ELF1: variants seen among roughly 807,000 people sequenced by gnomAD.
ELF1 encodes the protein E74 like ETS transcription factor 1, also known as ETS-related transcription factor Elf-1.
A neutral mutation model predicts 59.9 loss-of-function variants in ELF1; 24 were observed. The ratio of observed to expected loss-of-function variants is 0.40; its 90% CI spans 0.29 to 0.56. The LOEUF (loss-of-function observed/expected upper bound fraction) is 0.56. Ranked by LOEUF, ELF1 falls within the 20% of genes least tolerant of loss-of-function variation. ELF1 has a pLI of 0.44. For missense variants in ELF1, 627 were observed against 742.2 expected, an observed-to-expected ratio of 0.84 and a Z score of 1.80; for synonymous variants, 248 against 266.2, an observed-to-expected ratio of 0.93 and a Z score of 0.67.
At chr13:41,014,016 CACGTAGAT>C (rs1179120010) in intron 1 of ELF1, among the ~76,000 whole-genome samples, 6 of 152,096 alleles carry the variant, frequency 3.9e-5, no homozygotes, top group African/African-American at 1.4e-4. Context: ...GGGCATCTAT[CACGTAGAT>C]ACTGCAGCAT....
intron 1 of ELF1, among the ~76,000 whole-genome samples, chr13:41,004,063 C>A (rs115088906): frequency 0.01 from 1,533 of 152,136 alleles, 25 homozygotes; most frequent in African/African-American, 0.031. Flanking sequence ...ATTCCCCCAA[C>A]AAGTATTTAT....
chr13:40,952,440 C>A (rs564679389), intron 3 of ELF1, among the ~76,000 whole-genome samples: 1 of 151,818 alleles, frequency 6.6e-6, no homozygotes, highest in South Asian at 2.1e-4. Context: ...TAGCTCACTG[C>A]AACCATAAAC....
chr13:40,951,064 T>C (rs1005633313), intron 4 of ELF1, among the ~76,000 whole-genome samples: 4 of 152,194 alleles, frequency 2.6e-5, no homozygotes, highest in Non-Finnish European at 4.4e-5. Flanking sequence ...CTCATCAATA[T>C]GTTAAGAGAA....
At chr13:40,980,749 C>G (rs979954750) in intron 2 of ELF1, among the ~76,000 whole-genome samples, 4 of 152,122 alleles carry the variant, frequency 2.6e-5, no homozygotes, top group Non-Finnish European at 5.9e-5. Flanking sequence ...TGTTTCAAAC[C>G]TTAATATACA....
At chr13:40,978,384 AAAAC>A (rs1873048518) in intron 2 of ELF1, among the ~76,000 whole-genome samples, 1 of 151,910 alleles carries the variant, frequency 6.6e-6, no homozygotes, top group Non-Finnish European at 1.5e-5. Flanking sequence ...TCTCAAAAAA[AAAAC>A]AAAAAAGAAA....
At chr13:41,053,251 G>C (rs547060025) in intron 1 of ELF1, among the ~76,000 whole-genome samples, 11 of 152,144 alleles carry the variant, frequency 7.2e-5, no homozygotes, top group African/African-American at 2.7e-4. Context: ...CTACTCATGA[G>C]GCTGAGGCAT....
chr13:41,006,424 T>TA (rs1874761490), intron 1 of ELF1, among the ~76,000 whole-genome samples: 1 of 152,096 alleles, frequency 6.6e-6, no homozygotes, highest in Admixed American at 6.5e-5. Context: ...CTCTGATGCT[T>TA]AGTGAAATAA....
At chr13:41,046,939 G>C (rs1208524095) in intron 1 of ELF1, among the ~76,000 whole-genome samples, 1 of 152,046 alleles carries the variant, frequency 6.6e-6, no homozygotes, top group African/African-American at 2.4e-5. Context: ...ACGCAGATTT[G>C]GTCTTTTCAC....
At chr13:41,000,978 C>CT (rs71797488) in intron 1 of ELF1, among the ~76,000 whole-genome samples, 28,345 of 144,028 alleles carry the variant, frequency 0.2, 3,812 homozygotes, top group African/African-American at 0.37. Context: ...AGGAAAAACA[C>CT]TTTTTTTTTT....
At chr13:40,936,966 C>A (rs1869827700) in intron 8 of ELF1, among the ~76,000 whole-genome samples, 1 of 151,900 alleles carries the variant, frequency 6.6e-6, no homozygotes, top group African/African-American at 2.4e-5. Context: ...AAAAAAAGTC[C>A]TTTTCTTGAG....
At chr13:41,022,872 C>G (rs9566666), upstream of ELF1, among the ~76,000 whole-genome samples, 1 of 152,132 alleles carries the variant, frequency 6.6e-6, no homozygotes. Flanking sequence ...AAGCAAGACT[C>G]TGTGTCAGAC....
At chr13:41,025,720 T>C (rs1875868655) in intron 1 of ELF1, among the ~76,000 whole-genome samples, 1 of 152,194 alleles carries the variant, frequency 6.6e-6, no homozygotes, top group African/African-American at 2.4e-5. Flanking sequence ...AAAAGAGACA[T>C]ACTGCTGATA....
At chr13:41,051,144 GAAAA>G (rs913320268) in intron 1 of ELF1, among the ~76,000 whole-genome samples, 2 of 151,466 alleles carry the variant, frequency 1.3e-5, no homozygotes, top group African/African-American at 4.9e-5. Flanking sequence ...CAATGCAAAA[GAAAA>G]AAGTTTTTAA....
At chr13:41,014,903 A>C (rs145134014) in intron 1 of ELF1, among the ~76,000 whole-genome samples, 1 of 152,208 alleles carries the variant, frequency 6.6e-6, no homozygotes, top group East Asian at 1.9e-4. Context: ...TTCAAAAATC[A>C]TATCCAAGCA....
intron 1 of ELF1, chr13:40,993,306 A>T: frequency 6.5e-7 from 1 of 1,532,784 alleles, no homozygotes; most frequent in Non-Finnish European, 9.0e-7. Context: ...GTGTTCCTTC[A>T]TTTTGGGACT....
chr13:40,940,411 A>AC (rs1289488756), intron 8 of ELF1, among the ~76,000 whole-genome samples: 69 of 93,790 alleles, frequency 7.4e-4, no homozygotes, highest in Non-Finnish European at 1.3e-3. Context: ...AAAAAAAAAA[A>AC]AAAAAAACAA....
chr13:40,975,101 A>G (rs183533559), intron 2 of ELF1, among the ~76,000 whole-genome samples: 13 of 152,344 alleles, frequency 8.5e-5, no homozygotes, highest in African/African-American at 2.6e-4. Context: ...AGAACCTGGA[A>G]TTTTAAGGTA....
intron 1 of ELF1, among the ~76,000 whole-genome samples, chr13:40,995,430 G>A (rs1007710310): frequency 6.6e-6 from 1 of 152,144 alleles, no homozygotes; most frequent in Non-Finnish European, 1.5e-5. Flanking sequence ...CTAGACTGGA[G>A]AAGTGAACGG....
chr13:40,942,663 G>A (rs527832987), intron 7 of ELF1, among the ~76,000 whole-genome samples: 1 of 152,124 alleles, frequency 6.6e-6, no homozygotes, highest in East Asian at 1.9e-4. Context: ...TGGGACCACA[G>A]GTGCATACCA....
Sources: allele counts gnomAD v4.1 joint callset (sites outside exome capture counted in the v4.1 genomes callset), GRCh38; gene constraint gnomAD v4.1.1; transcripts MANE v1.5; gene names NCBI Gene and HGNC (gene_info 2026-07-23, HGNC 2026-07-21).